COL24A1: variants seen among roughly 807,000 people sequenced by gnomAD.
The protein encoded by COL24A1 is collagen alpha-1(XXIV) chain.
Under a neutral mutation model 253.9 loss-of-function variants are expected in COL24A1, and 224 were observed. The observed-to-expected ratio is 0.88, with a 90% CI of 0.79 to 0.99. The LOEUF (loss-of-function observed/expected upper bound fraction) is 0.99. Ranked by LOEUF, COL24A1 falls within the 50% of genes least tolerant of loss-of-function variation. The pLI is 0.00. For synonymous variants in COL24A1, 685 were observed against 673.7 expected (o/e 1.02, Z -0.26); for missense variants, 2,131 against 2,068.5 (o/e 1.03, Z -0.59).
intron 5 of COL24A1, among the ~76,000 whole-genome samples, chr1:86,107,760 C>G (rs911257461): frequency 6.6e-6 from 1 of 152,030 alleles, no homozygotes; most frequent in African/African-American, 2.4e-5. Flanking sequence ...TGGTCTCGAT[C>G]TCCTGACCTC....
At chr1:85,810,051 C>T (rs1434885608) in intron 47 of COL24A1, among the ~76,000 whole-genome samples, 1 of 139,014 alleles carries the variant, frequency 7.2e-6, no homozygotes, top group Non-Finnish European at 1.5e-5. Context: ...GTCAGCAGCA[C>T]TTGTTTTCCA....
At chr1:85,971,541 A>G in intron 20 of COL24A1, 148 bp from the exon 21 acceptor site, 2 of 617,918 alleles carry the variant, frequency 3.2e-6, no homozygotes, top group South Asian at 4.4e-5. Context: ...GTATGGGCAA[A>G]CAGAAAACTA....
chr1:86,108,806 T>G (rs1705264369), intron 5 of COL24A1, among the ~76,000 whole-genome samples: 1 of 89,768 alleles, frequency 1.1e-5, no homozygotes, highest in Non-Finnish European at 2.7e-5. Flanking sequence ...AAATTCCGTC[T>G]CAAAAAAAAA....
At chr1:86,051,809 C>T (rs1284659587) in intron 10 of COL24A1, among the ~76,000 whole-genome samples, 1 of 151,924 alleles carries the variant, frequency 6.6e-6, no homozygotes, top group East Asian at 1.9e-4. Context: ...AAATGTTAAC[C>T]ACTGATAGAA....
intron 22 of COL24A1, among the ~76,000 whole-genome samples, chr1:85,968,273 C>T (rs901104971): frequency 2.6e-5 from 4 of 152,152 alleles, no homozygotes; most frequent in Admixed American, 2.6e-4. Flanking sequence ...AGTGGTAACG[C>T]TCACTCCCAG....
chr1:85,794,342 T>A (rs1670604033), intron 47 of COL24A1, among the ~76,000 whole-genome samples: 2 of 152,198 alleles, frequency 1.3e-5, no homozygotes, highest in African/African-American at 2.4e-5. Context: ...AGGTGATACA[T>A]GACAATGGAC....
chr1:85,961,389 T>C, intron 23 of COL24A1, 96 bp from the exon 24 acceptor site: 1 of 969,482 alleles, frequency 1.0e-6, no homozygotes, highest in Non-Finnish European at 1.6e-6. Flanking sequence ...AATTATCTAG[T>C]CATAACCTAG....
At chr1:85,991,995 A>C (rs934868934) in intron 19 of COL24A1, among the ~76,000 whole-genome samples, 35 of 152,006 alleles carry the variant, frequency 2.3e-4, no homozygotes, top group Middle Eastern at 3.4e-3. Flanking sequence ...ATGTAACAAC[A>C]TGTGCCATGT....
intron 22 of COL24A1, among the ~76,000 whole-genome samples, chr1:85,970,008 A>G (rs1325965177): frequency 2.0e-5 from 3 of 152,234 alleles, no homozygotes; most frequent in Non-Finnish European, 2.9e-5. Flanking sequence ...TCTACAGACC[A>G]CTGAAATAAC....
intron 2 of COL24A1, among the ~76,000 whole-genome samples, chr1:86,140,056 G>T (rs1368637807): frequency 5.3e-5 from 8 of 152,116 alleles, no homozygotes; most frequent in Non-Finnish European, 1.0e-4. Context: ...GAAAAGAAAA[G>T]GATCTGGAGT....
chr1:85,861,475 C>T (rs1679141610), intron 37 of COL24A1, among the ~76,000 whole-genome samples: 1 of 152,130 alleles, frequency 6.6e-6, no homozygotes, highest in African/African-American at 2.4e-5. Context: ...TCCAATTTAT[C>T]TTAGAAGACG....
At chr1:85,842,027 A>T (rs764020133) in intron 41 of COL24A1, 41 bp downstream of exon 41, 1 of 1,542,598 alleles carries the variant, frequency 6.5e-7, no homozygotes, top group Non-Finnish European at 9.0e-7. Flanking sequence ...CATGAACTCA[A>T]TGTTTAACTT....
chr1:85,918,424 C>A (rs980053446), intron 24 of COL24A1, among the ~76,000 whole-genome samples: 2 of 152,056 alleles, frequency 1.3e-5, no homozygotes, highest in Non-Finnish European at 2.9e-5. Flanking sequence ...TATTTCTAAG[C>A]TTTCTAGTCT....
intron 36 of COL24A1, 47 bp from the exon 37 acceptor site, chr1:85,868,673 A>T: frequency 6.5e-7 from 1 of 1,535,392 alleles, no homozygotes; most frequent in Non-Finnish European, 9.0e-7. Context: ...CAGTGAAATA[A>T]TTATGCCAAT....
intron 14 of COL24A1, among the ~76,000 whole-genome samples, chr1:86,027,844 A>G (rs4912442): frequency 1.3e-5 from 2 of 152,184 alleles, no homozygotes; most frequent in Admixed American, 1.3e-4. Flanking sequence ...TCAATGCCAG[A>G]CCATGAAGGC....
At chr1:86,009,055 T>G (rs1218815809) in intron 19 of COL24A1, among the ~76,000 whole-genome samples, 2 of 152,180 alleles carry the variant, frequency 1.3e-5, no homozygotes, top group African/African-American at 4.8e-5. Flanking sequence ...AATTTATAAG[T>G]GTAAGTTGAA....
intron 31 of COL24A1, among the ~76,000 whole-genome samples, chr1:85,890,957 C>T (rs1475683470): frequency 6.6e-6 from 1 of 152,150 alleles, no homozygotes; most frequent in Non-Finnish European, 1.5e-5. Flanking sequence ...TCTTCTCTGA[C>T]TCAGTCAAAG....
At chr1:86,072,034 G>A (rs1023543409) in intron 7 of COL24A1, among the ~76,000 whole-genome samples, 2 of 152,138 alleles carry the variant, frequency 1.3e-5, no homozygotes, top group Admixed American at 6.5e-5. Flanking sequence ...AGATTCCCTC[G>A]GACGCCTACA....
chr1:85,731,441 T>C (rs1247216387), intron 59 of COL24A1, among the ~76,000 whole-genome samples: 1 of 152,210 alleles, frequency 6.6e-6, no homozygotes, highest in African/African-American at 2.4e-5. Flanking sequence ...ATAAATTTTA[T>C]TTTAAAGTTA....
Sources: gnomAD v4.1 joint callset for allele counts (sites outside exome capture counted in the v4.1 genomes callset) on GRCh38, gnomAD v4.1.1 for gene constraint, MANE v1.5 for transcripts, NCBI Gene and HGNC (gene_info 2026-07-23, HGNC 2026-07-21) for gene names.